Variants in FSTL4 observed in about 807,000 individuals in gnomAD.
FSTL4 encodes follistatin like 4.
A neutral mutation model predicts 78.2 loss-of-function variants in FSTL4; 28 were observed. The ratio of observed to expected loss-of-function variants is 0.36; its 90% CI spans 0.27 to 0.49. The LOEUF (loss-of-function observed/expected upper bound fraction) is 0.49. FSTL4 is among the 20% of genes least tolerant of loss of function. The probability of loss-of-function intolerance (pLI) is 0.98; values close to 1 mark genes in which losing one functional copy is unlikely to be tolerated. For synonymous variants in FSTL4, 422 were observed against 440.5 expected, an observed-to-expected ratio of 0.96 and a Z score of 0.53; for missense variants, 922 against 1,084.9, an observed-to-expected ratio of 0.85 and a Z score of 2.11.
chr5:133,355,294 T>G (rs375962513), intron 4 of FSTL4, among the ~76,000 whole-genome samples: 1 of 152,196 alleles, frequency 6.6e-6, no homozygotes, highest in Non-Finnish European at 1.5e-5. Flanking sequence ...AAATTGAATA[T>G]GACTGAATGT....
In FSTL4 at chr5:133,345,782, A is replaced by G. The variant is rs563455258; in HGVS notation, c.410-29130T>C. On this transcript the variant is annotated intron_variant, in intron 4 of 15. Coordinates refer to ENST00000265342, the MANE Select transcript of FSTL4 (RefSeq NM_015082.2). ...TGTGAAGAAATAGGAACGTTTTTACACTGTTGGTGGGAGTATAAATTAGTT... is the reference window on the plus strand; with the variant it reads ...TGTGAAGAAATAGGAACGTTTTTACGCTGTTGGTGGGAGTATAAATTAGTT... Among the ~76,000 whole-genome samples the G allele has an allele frequency of 1.7e-4, 26 of 152,332 alleles. No homozygotes were observed. In the South Asian group the frequency reaches 5.4e-3, roughly 32 times the overall value.
the FSTL4 span, among the ~76,000 whole-genome samples, chr5:133,651,500 T>C: frequency 6.6e-6 from 1 of 152,160 alleles, no homozygotes; most frequent in Non-Finnish European, 1.5e-5. Flanking sequence ...GATATGATCA[T>C]GTGATTTTTC....
chr5:133,765,626 A>G, the FSTL4 span, among the ~76,000 whole-genome samples: 1 of 152,192 alleles, frequency 6.6e-6, no homozygotes, highest in South Asian at 2.1e-4. Context: ...ATTCTTGGGA[A>G]GGCCCTTGAA....
At chr5:133,678,297 G>A in the FSTL4 span, among the ~76,000 whole-genome samples, 2 of 152,180 alleles carry the variant, frequency 1.3e-5, no homozygotes, top group Non-Finnish European at 2.9e-5. Flanking sequence ...ACCAGTTAGA[G>A]GGCTGTTGTA....
Position 133,197,643 on chromosome 5 carries a change from T to C in FSTL4, c.*1452A>G, listed in dbSNP as rs537078208. 27 of 152,362 alleles carry C rather than the reference T, an allele frequency of 1.8e-4. No individual in the cohort carries two copies. The highest frequency in any genetic ancestry group is 6.5e-4 in the African/African-American group (27 of 41,578). 9.4% of individuals were successfully genotyped at this position (152,362 alleles called of 1,614,324 possible). A position where few individuals can be genotyped will look rare whatever the true frequency, so the allele number is the denominator to read the frequency against. ...TAATGGCAAAGGAAAATCCTGGTCA[T>C]GTCAGTAGGTGAAGGTGGCCAAATT... On this transcript the variant is annotated 3_prime_UTR_variant, in exon 16 of 16. Coordinates refer to ENST00000265342, the MANE Select transcript of FSTL4 (RefSeq NM_015082.2).
chr5:133,408,578 G>C (rs1026501657), intron 3 of FSTL4, among the ~76,000 whole-genome samples: 1 of 151,718 alleles, frequency 6.6e-6, no homozygotes, highest in Non-Finnish European at 1.5e-5. Flanking sequence ...GGGGTGGAGC[G>C]GGGGCGGGGT....
chr5:133,405,579 G>A (rs2126975414), intron 3 of FSTL4, among the ~76,000 whole-genome samples: 1 of 152,374 alleles, frequency 6.6e-6, no homozygotes, highest in South Asian at 2.1e-4. Context: ...TTTGCCTGCG[G>A]AAGAGCCATG....
chr5:133,654,248 C>T, the FSTL4 span, among the ~76,000 whole-genome samples: 9 of 152,186 alleles, frequency 5.9e-5, no homozygotes, highest in Non-Finnish European at 1.3e-4. Context: ...TACTGATGCT[C>T]ATTATGCATG....
intron 4 of FSTL4, among the ~76,000 whole-genome samples, chr5:133,327,316 A>T (rs542421286): frequency 6.6e-6 from 1 of 152,338 alleles, no homozygotes; most frequent in Non-Finnish European, 1.5e-5. Flanking sequence ...AAGGGTAGCA[A>T]GTATGGGGTG....
intron 6 of FSTL4, among the ~76,000 whole-genome samples, chr5:133,286,905 T>A (rs1219414167): frequency 6.6e-6 from 1 of 152,238 alleles, no homozygotes; most frequent in Non-Finnish European, 1.5e-5. Context: ...TGGAGAATTT[T>A]CAATCCCATA....
At chr5:133,202,367 T>G (rs1317026753) in intron 14 of FSTL4, 4 of 175,548 alleles carry the variant, frequency 2.3e-5, no homozygotes, top group Non-Finnish European at 4.6e-5. Context: ...GGTGGTGGGG[T>G]TTCCAAGGGA....
chr5:133,209,863 C>A, intron 14 of FSTL4: 1 of 230,266 alleles, frequency 4.3e-6, no homozygotes, highest in South Asian at 1.3e-4. Context: ...TATTCTTCAG[C>A]CTCCCTTCTG....
chr5:133,670,256 G>T, the FSTL4 span, among the ~76,000 whole-genome samples: 1 of 152,192 alleles, frequency 6.6e-6, no homozygotes, highest in Non-Finnish European at 1.5e-5. Context: ...GTACTGCCAG[G>T]CTGGGCTAAA....
At chr5:133,810,784 T>C in the FSTL4 span, among the ~76,000 whole-genome samples, 1 of 152,180 alleles carries the variant, frequency 6.6e-6, no homozygotes, top group East Asian at 1.9e-4. Context: ...GCCAGCACCA[T>C]GTTGCCTGTT....
the FSTL4 span, among the ~76,000 whole-genome samples, chr5:133,684,475 G>T: frequency 6.6e-6 from 1 of 152,204 alleles, no homozygotes; most frequent in Non-Finnish European, 1.5e-5. Context: ...GCAGCTACTG[G>T]CACTGACCTT....
intron 3 of FSTL4, among the ~76,000 whole-genome samples, chr5:133,523,145 CG>C (rs1333108050): frequency 1.3e-5 from 2 of 152,122 alleles, no homozygotes; most frequent in Non-Finnish European, 2.9e-5. Context: ...AGACGCCAGC[CG>C]TCTCTCTCCC....
At chr5:133,432,257 A>G (rs769793269) in intron 3 of FSTL4, among the ~76,000 whole-genome samples, 3 of 152,224 alleles carry the variant, frequency 2.0e-5, no homozygotes, top group Non-Finnish European at 4.4e-5. Context: ...CAGATGTGAC[A>G]AGTCCAGGAC....
At chr5:133,774,056 C>A in the FSTL4 span, among the ~76,000 whole-genome samples, 1 of 152,098 alleles carries the variant, frequency 6.6e-6, no homozygotes, top group Non-Finnish European at 1.5e-5. Context: ...CCCTGGGATA[C>A]GCTAACCGCT....
intron 3 of FSTL4, among the ~76,000 whole-genome samples, chr5:133,506,478 C>T (rs962712079): frequency 6.6e-6 from 1 of 152,072 alleles, no homozygotes; most frequent in African/African-American, 2.4e-5. Context: ...GTCTGATGAG[C>T]AGGGAGGAAA....
Sources: allele counts gnomAD v4.1 joint callset (sites outside exome capture counted in the v4.1 genomes callset), GRCh38; gene constraint gnomAD v4.1.1; transcripts MANE v1.5; gene names NCBI Gene and HGNC (gene_info 2026-07-23, HGNC 2026-07-21).